Variants in LHFPL3 observed in about 807,000 individuals in gnomAD.
LHFPL3 encodes the protein LHFPL tetraspan subfamily member 3.
LHFPL3 carries 5 observed loss-of-function variants against 19.3 expected under a neutral mutation model. The observed-to-expected ratio is 0.26, with a 90% confidence interval of 0.14 to 0.54. The LOEUF is 0.54. LHFPL3 is among the 20% of genes least tolerant of loss of function. The pLI, the probability that LHFPL3 is intolerant of heterozygous loss-of-function variation, is 0.94. For synonymous variants in LHFPL3, 133 were observed against 126.2 expected, an observed-to-expected ratio of 1.05 and a Z score of -0.36; for missense variants, 249 against 307.4, an observed-to-expected ratio of 0.81 and a Z score of 1.42.
At chr7:104,570,571 C>G (rs1790213087) in intron 1 of LHFPL3, among the ~76,000 whole-genome samples, 1 of 152,130 alleles carries the variant, frequency 6.6e-6, no homozygotes, top group African/African-American at 2.4e-5. Context: ...TGGACAAATT[C>G]TCTATCTGAA....
At position 104,418,351 on chromosome 7, in the gene LHFPL3, A is replaced by G. The variant is rs1015447298; in HGVS notation, c.445+89127A>G. Among the ~76,000 whole-genome samples, 6 of 152,162 alleles carry G rather than the reference A, an allele frequency of 3.9e-5. No homozygotes were observed. The South Asian group carries it at 1.2e-3, about 32-fold the overall frequency. ...GATTTGAGACCAGTCTGGGCAACATACTAAGACCCCATCTCTATAAAAATT... is the reference window on the plus strand; with the variant it reads ...GATTTGAGACCAGTCTGGGCAACATGCTAAGACCCCATCTCTATAAAAATT... On this transcript the variant is annotated intron_variant, in intron 1 of 2. Transcript: ENST00000424859.
chr7:104,780,974 G>C (rs893224042), intron 2 of LHFPL3, among the ~76,000 whole-genome samples: 1 of 152,034 alleles, frequency 6.6e-6, no homozygotes, highest in East Asian at 1.9e-4. Context: ...ACTTCAACCC[G>C]TTCTTTGCCA....
At chr7:104,795,304 A>G (rs1189194575) in intron 2 of LHFPL3, among the ~76,000 whole-genome samples, 2 of 152,190 alleles carry the variant, frequency 1.3e-5, no homozygotes, top group Non-Finnish European at 2.9e-5. Context: ...CCATAATTTG[A>G]CCCATCCTCC....
intron 2 of LHFPL3, among the ~76,000 whole-genome samples, chr7:104,825,959 G>A (rs1360073349): frequency 1.3e-5 from 2 of 151,848 alleles, no homozygotes; most frequent in Non-Finnish European, 2.9e-5. Context: ...GAAAAGTTAG[G>A]ACTTTAGCTG....
intron 1 of LHFPL3, among the ~76,000 whole-genome samples, chr7:104,418,265 G>A (rs1188851123): frequency 1.3e-5 from 2 of 152,208 alleles, no homozygotes; most frequent in Non-Finnish European, 2.9e-5. Flanking sequence ...CTGAGGGCAA[G>A]AGACTGCACC....
intron 1 of LHFPL3, among the ~76,000 whole-genome samples, chr7:104,382,347 G>A (rs973492700): frequency 2.0e-5 from 3 of 152,186 alleles, no homozygotes; most frequent in African/African-American, 7.2e-5. Flanking sequence ...AATTAGCCAG[G>A]CGTGGTGGCG....
chr7:104,884,413 G>C (rs1792110962), intron 2 of LHFPL3, among the ~76,000 whole-genome samples: 1 of 152,126 alleles, frequency 6.6e-6, no homozygotes, highest in East Asian at 1.9e-4. Context: ...TCCCAGTGTG[G>C]TTCACCAGCC....
intron 1 of LHFPL3, among the ~76,000 whole-genome samples, chr7:104,660,447 C>G (rs140060011): frequency 2.0e-5 from 3 of 152,330 alleles, no homozygotes; most frequent in Non-Finnish European, 4.4e-5. Context: ...TTTCCTCAGT[C>G]TGCATGGGGG....
At chr7:104,714,852 G>A (rs1036879943) in intron 1 of LHFPL3, among the ~76,000 whole-genome samples, 7 of 152,150 alleles carry the variant, frequency 4.6e-5, no homozygotes, top group African/African-American at 1.7e-4. Flanking sequence ...TAAAGAACAG[G>A]ACTGGGTGCA....
intron 1 of LHFPL3, among the ~76,000 whole-genome samples, chr7:104,386,834 C>T (rs1051651232): frequency 6.6e-6 from 1 of 151,560 alleles, no homozygotes. Flanking sequence ...TAAATAAAAA[C>T]AACAAAAACA....
intron 1 of LHFPL3, among the ~76,000 whole-genome samples, chr7:104,521,237 T>C (rs1362021496): frequency 6.6e-6 from 1 of 152,194 alleles, no homozygotes; most frequent in Non-Finnish European, 1.5e-5. Flanking sequence ...GGTTGTTCAG[T>C]TTCCATGTAG....
chr7:104,436,308 C>T (rs745584698), intron 1 of LHFPL3, among the ~76,000 whole-genome samples: 1 of 152,090 alleles, frequency 6.6e-6, no homozygotes, highest in Non-Finnish European at 1.5e-5. Flanking sequence ...GCACTATTAA[C>T]TCATTTAATC....
At chr7:104,429,611 T>G (rs1791917167) in intron 1 of LHFPL3, among the ~76,000 whole-genome samples, 3 of 151,950 alleles carry the variant, frequency 2.0e-5, no homozygotes, top group African/African-American at 7.3e-5. Context: ...CCACTGCACC[T>G]GGCTTATGTC....
intron 2 of LHFPL3, among the ~76,000 whole-genome samples, chr7:104,876,555 G>A (rs1485872479): frequency 6.6e-6 from 1 of 151,208 alleles, no homozygotes; most frequent in Non-Finnish European, 1.5e-5. Context: ...TCAGAGAAAT[G>A]CAAATCAAAA....
At position 104,487,048 on chromosome 7, in the gene LHFPL3, G is replaced by T. The variant is rs188325036; in HGVS notation, c.445+157824G>T. Among the ~76,000 whole-genome samples, 117 of 151,258 alleles carry T rather than the reference G, an allele frequency of 7.7e-4. 2 individuals are homozygous for T. In the South Asian group the frequency reaches 0.022, roughly 29 times the overall value. ...CCTGTTATTTCCCTTACTGTCTTTC[G>T]TTTTTCCTGCAGTATCTGGCCTTAA... On this transcript the variant is annotated intron_variant, in intron 1 of 2. Coordinates refer to ENST00000424859, the MANE Select transcript of LHFPL3 (RefSeq NM_199000.3).
At position 104,446,522 on chromosome 7, in the gene LHFPL3, T is replaced by G. The variant is rs148323679; in HGVS notation, c.445+117298T>G. ...GAGCAGGAAGATTCTTCATCAAAAC[T>G]ATTTTATGTTTCATAGATTTTCTAG... On this transcript the variant is annotated intron_variant, in intron 1 of 2. Transcript: ENST00000424859. Among the ~76,000 whole-genome samples the G allele has an allele frequency of 2.1e-3, 324 of 152,298 alleles. 1 individual carries two copies. The highest frequency in any genetic ancestry group is 7.5e-3 in the African/African-American group (313 of 41,566).
intron 2 of LHFPL3, among the ~76,000 whole-genome samples, chr7:104,870,666 T>C (rs555665485): frequency 2.4e-4 from 37 of 152,118 alleles, no homozygotes; most frequent in Non-Finnish European, 4.6e-4. Flanking sequence ...AGCTTCACCA[T>C]AGACTGAAGG....
At chr7:104,461,022 A>AGTGTG (rs1184751407) in intron 1 of LHFPL3, among the ~76,000 whole-genome samples, 11 of 152,220 alleles carry the variant, frequency 7.2e-5, no homozygotes, top group African/African-American at 2.2e-4. Flanking sequence ...CACTGCTAAT[A>AGTGTG]AAGACCTACC....
intron 1 of LHFPL3, among the ~76,000 whole-genome samples, chr7:104,496,256 GAT>G (rs1793477766): frequency 2.0e-5 from 3 of 152,166 alleles, no homozygotes; most frequent in Non-Finnish European, 4.4e-5. Flanking sequence ...TGCTGAGAAT[GAT>G]GTTTTCCAGC....
Sources: gnomAD v4.1 joint callset for allele counts (sites outside exome capture counted in the v4.1 genomes callset) on GRCh38, gnomAD v4.1.1 for gene constraint, MANE v1.5 for transcripts, NCBI Gene and HGNC (gene_info 2026-07-23, HGNC 2026-07-21) for gene names.